The following HMCN1 variants were observed in gnomAD, a reference collection of about 807,000 sequenced individuals.
HMCN1 encodes hemicentin-1.
In HMCN1, 321 loss-of-function variants were observed where a neutral mutation model predicts 625.9. The ratio of observed to expected loss-of-function variants is 0.51; its 90% CI spans 0.47 to 0.56. HMCN1 has a LOEUF of 0.56. Among genes scored for constraint, HMCN1 ranks in the 20% least tolerant of loss-of-function variants. The pLI, the probability that HMCN1 is intolerant of heterozygous loss-of-function variation, is 0.00. For missense variants in HMCN1, 6,588 were observed against 6,887.3 expected (o/e 0.96, Z 1.54); for synonymous variants, 2,425 against 2,417.6 (o/e 1.00, Z -0.09).
intron 4 of HMCN1, among the ~76,000 whole-genome samples, chr1:185,887,813 G>T (rs1035794898): frequency 1.4e-5 from 2 of 139,262 alleles, no homozygotes; most frequent in Non-Finnish European, 3.2e-5. Flanking sequence ...AGTCCTTTGG[G>T]TATATACCCA....
intron 39 of HMCN1, 69 bp from the exon 40 acceptor site, chr1:186,040,944 G>A (rs1456290006): frequency 1.3e-6 from 2 of 1,559,232 alleles, no homozygotes; most frequent in East Asian, 2.3e-5. Context: ...AAAAAAATAA[G>A]AGAAAAAATC....
chr1:186,089,285 A>G (rs2102407065), intron 63 of HMCN1, among the ~76,000 whole-genome samples: 1 of 152,100 alleles, frequency 6.6e-6, no homozygotes, highest in Middle Eastern at 3.4e-3. Context: ...TTTTCTTTTG[A>G]TTTTCAGTAA....
At chr1:186,025,306 G>A (rs545630977) in intron 36 of HMCN1, among the ~76,000 whole-genome samples, 52 of 152,280 alleles carry the variant, frequency 3.4e-4, no homozygotes, top group African/African-American at 1.2e-3. Flanking sequence ...CAGGGTTGGG[G>A]ACCCCTGCTG....
At position 186,152,827 on chromosome 1, in the gene HMCN1, G is replaced by C; in HGVS notation, c.14974G>C (p.Gly4992Arg). The C allele has an allele frequency of 5.0e-6, 8 of 1,613,960 alleles. No individual in the cohort carries two copies. Among genetic ancestry groups the C allele is most frequent in the Non-Finnish European group, 6.8e-6 (8 of 1,179,908 alleles). ...GSLLLDIVVSGYVLQLQSPAE... is the reference protein window; with the variant it reads ...GSLLLDIVVSRYVLQLQSPAE... ...TTTGCTGCTAGATATCGTTGTGAGT[G>C]GCTATGTCCTACAGCTTCAGTCACC... Residue 4992 changes from glycine to arginine, a missense_variant, in exon 96 of 107, where the codon GGC becomes CGC. Transcript: ENST00000271588.
chr1:186,123,196 A>G lies in HMCN1; in HGVS notation c.12475A>G (p.Thr4159Ala), dbSNP rs1385747681. 2.5e-5 allele frequency: 40 copies of G among 1,613,820 alleles called. No homozygotes were observed. Among genetic ancestry groups the G allele is most frequent in the Non-Finnish European group, 3.2e-5 (38 of 1,179,916 alleles). The change falls in exon 81 of 107, where the codon ACA becomes GCA. Residue 4159 changes from threonine to alanine, a missense_variant. Physicochemically the swap from Thr to Ala is moderately conservative, Grantham distance 58. Around this residue, in one of 3 missense-constraint regions of HMCN1, gnomAD observed 1,954 missense variants for 2,013.1 expected, o/e 0.97. Coordinates refer to ENST00000271588, the MANE Select transcript of HMCN1 (RefSeq NM_031935.3). ...AGCCAATGTAGCAGGATCAAGCAGC[A>G]CAAGCACCAAGCTCACCGTCCATGG... ...MAANVAGSSS[T>A]STKLTVHVPP...
chr1:186,182,060 A>T, intron 104 of HMCN1, 108 bp from the exon 105 acceptor site: 1 of 1,238,550 alleles, frequency 8.1e-7, no homozygotes, highest in South Asian at 1.2e-5. Flanking sequence ...GTATAAAATC[A>T]CCAAGAAGTT....
intron 1 of HMCN1, among the ~76,000 whole-genome samples, chr1:185,795,621 CT>C (rs1453284006): frequency 1.3e-5 from 2 of 152,280 alleles, no homozygotes; most frequent in Non-Finnish European, 2.9e-5. Flanking sequence ...GACATGACCT[CT>C]GTTTACATTG....
At position 186,166,908 on chromosome 1, in the gene HMCN1, C is replaced by T. The variant is rs139178830; in HGVS notation, c.15540C>T (p.Gly5180=). ...GCTGTGTGGTCCGTTGTGGAAGTGG[C>T]TTTCGAAGAACCTCTGATGGGCTGA... ...SYRCVVRCGS[G]FRRTSDGLSC... The change falls in exon 100 of 107, where the codon GGC becomes GGT. Residue 5180 remains glycine (G), a synonymous_variant. Transcript: ENST00000271588. The T allele has an allele frequency of 1.2e-6, 2 of 1,614,108 alleles. No individual in the cohort carries two copies. The highest frequency in any genetic ancestry group is 1.7e-6 in the Non-Finnish European group (2 of 1,179,996).
chr1:186,022,852 T>C (rs952145435), intron 35 of HMCN1, among the ~76,000 whole-genome samples, 178 bp from the exon 36 acceptor site: 1 of 152,170 alleles, frequency 6.6e-6, no homozygotes, highest in Non-Finnish European at 1.5e-5. Flanking sequence ...ATCAAACTAG[T>C]CTATTGTCTT....
At chr1:185,880,539 G>A (rs1287014767) in intron 4 of HMCN1, among the ~76,000 whole-genome samples, 2 of 152,156 alleles carry the variant, frequency 1.3e-5, no homozygotes, top group Non-Finnish European at 2.9e-5. Context: ...ATTTGAGAAA[G>A]TTGCCTGACC....
At chr1:185,749,307 G>T (rs1357175847) in intron 1 of HMCN1, among the ~76,000 whole-genome samples, 1 of 152,214 alleles carries the variant, frequency 6.6e-6, no homozygotes, top group Non-Finnish European at 1.5e-5. Context: ...AGTGAGAGTA[G>T]AACTAGTTCA....
At chr1:185,907,450 A>G (rs1447691426) in intron 4 of HMCN1, among the ~76,000 whole-genome samples, 1 of 151,794 alleles carries the variant, frequency 6.6e-6, no homozygotes, top group African/African-American at 2.4e-5. Context: ...ATGACCATCC[A>G]TTGTCTGGTC....
intron 35 of HMCN1, among the ~76,000 whole-genome samples, chr1:186,022,806 T>G (rs1420066939): frequency 2.6e-5 from 4 of 152,162 alleles, no homozygotes; most frequent in Admixed American, 1.3e-4. Flanking sequence ...TGTTATTTTA[T>G]TTTGTGTTTT....
chr1:186,106,755 T>G, intron 69 of HMCN1, 129 bp from the exon 70 acceptor site: 2 of 730,012 alleles, frequency 2.7e-6, no homozygotes, highest in East Asian at 2.5e-5. Flanking sequence ...CTAATCGTAG[T>G]GTTAAACAGT....
At chr1:185,927,520 C>T (rs928559704) in intron 9 of HMCN1, among the ~76,000 whole-genome samples, 3 of 151,980 alleles carry the variant, frequency 2.0e-5, no homozygotes, top group Non-Finnish European at 4.4e-5. Flanking sequence ...GCACAGAAAC[C>T]TGTTTTAACT....
At position 186,090,835 on chromosome 1, in the gene HMCN1, A is replaced by G. The variant is rs773603615; in HGVS notation, c.9805A>G (p.Asn3269Asp). ...LLGENVELVC[N>D]ANGIPTPLIQ... ...AGGAGAAAATGTTGAGCTGGTCTGC[A>G]ATGCAAATGGCATTCCTACTCCACT... is the stretch of plus-strand genomic sequence containing the variant. The change falls in exon 64 of 107, where the codon AAT becomes GAT. Residue 3269 changes from asparagine (N) to aspartate (D), a missense_variant. Coordinates refer to ENST00000271588, the MANE Select transcript of HMCN1 (RefSeq NM_031935.3). 6.2e-7 allele frequency: 1 copy of G among 1,612,692 alleles called. No individual in the cohort carries two copies. The highest frequency in any genetic ancestry group is 8.5e-7 in the Non-Finnish European group (1 of 1,179,052).
chr1:185,928,721 A>T, intron 10 of HMCN1, 54 bp downstream of exon 10: 1 of 1,572,830 alleles, frequency 6.4e-7, no homozygotes. Context: ...AGCTATGGAA[A>T]TGGGATGTTT....
In HMCN1 at chr1:186,086,300, A is replaced by G; in HGVS notation, c.8939A>G (p.Asn2980Ser). Residue 2980 changes from asparagine to serine, a missense_variant, in exon 58 of 107, where the codon AAT (asparagine) becomes AGT (serine). By Grantham distance (46) the Asn-to-Ser change is conservative (BLOSUM62 1). Transcript: ENST00000271588. ...GAAAATCTTACCGTCGTGGTGAACA[A>G]TTTCATCTCTTTGACCTGTGAGGTC... ...KSENLTVVVNNFISLTCEVSG... is the reference protein window; with the variant it reads ...KSENLTVVVNSFISLTCEVSG... 2 of 1,613,262 alleles carry G rather than the reference A, an allele frequency of 1.2e-6. No homozygotes were observed. Among genetic ancestry groups the G allele is most frequent in the South Asian group, 2.2e-5 (2 of 91,066 alleles).
intron 2 of HMCN1, among the ~76,000 whole-genome samples, chr1:185,852,577 TAC>T (rs67719442): frequency 0.3 from 40,034 of 135,180 alleles, 6,553 homozygotes; most frequent in Middle Eastern, 0.41. Context: ...ACAAATATCC[TAC>T]ACACACACAC....
Sources: allele counts gnomAD v4.1 joint callset (sites outside exome capture counted in the v4.1 genomes callset), GRCh38; gene constraint gnomAD v4.1.1; regional missense constraint gnomAD v4.1.1; transcripts MANE v1.5; gene names NCBI Gene and HGNC (gene_info 2026-07-23, HGNC 2026-07-21).